The following NRP2 variants were observed in gnomAD, a reference collection of about 807,000 sequenced individuals.
NRP2 encodes neuropilin-2.
In NRP2, 52 loss-of-function variants were observed where a neutral mutation model predicts 110.4. The ratio of observed to expected loss-of-function variants is 0.47; its 90% CI spans 0.38 to 0.59. The LOEUF (loss-of-function observed/expected upper bound fraction) is 0.59, where lower values mean the gene tolerates loss of function less well. NRP2 is among the 20% of genes least tolerant of loss of function. NRP2 has a pLI of 0.00. For missense variants in NRP2, 1,049 were observed against 1,203.0 expected, an observed-to-expected ratio of 0.87 and a Z score of 1.89; for synonymous variants, 508 against 468.9, an observed-to-expected ratio of 1.08 and a Z score of -1.08.
At chr2:205,734,215 G>GCACACACACA (rs141532341) in intron 7 of NRP2, among the ~76,000 whole-genome samples, 24 of 149,218 alleles carry the variant, frequency 1.6e-4, no homozygotes, top group African/African-American at 4.7e-4. Context: ...GTATACACGT[G>GCACACACACA]CACACACACA....
At chr2:205,716,397 G>C (rs746644568) in intron 3 of NRP2, 23 bp downstream of exon 3, 1 of 1,612,554 alleles carries the variant, frequency 6.2e-7, no homozygotes, top group South Asian at 1.1e-5. Context: ...ACACGTAGGG[G>C]CCGGGAGATG....
intron 10 of NRP2, among the ~76,000 whole-genome samples, chr2:205,747,591 C>T (rs1184615313): frequency 6.6e-6 from 1 of 152,168 alleles, no homozygotes; most frequent in African/African-American, 2.4e-5. Flanking sequence ...ACCTATTCGA[C>T]GGATTCCACA....
chr2:205,714,860 G>C (rs2056863483), intron 2 of NRP2, among the ~76,000 whole-genome samples: 1 of 152,122 alleles, frequency 6.6e-6, no homozygotes, highest in Non-Finnish European at 1.5e-5. Context: ...GGGGGCTGAA[G>C]TGAGGCCTCA....
At chr2:205,776,233 G>T in intron 15 of NRP2, 1 of 1,610,796 alleles carries the variant, frequency 6.2e-7, no homozygotes, top group Non-Finnish European at 8.5e-7. Context: ...ACTCTTCTGT[G>T]TCTCTCCACC....
At chr2:205,713,833 C>T (rs887222257) in intron 2 of NRP2, among the ~76,000 whole-genome samples, 5 of 152,128 alleles carry the variant, frequency 3.3e-5, no homozygotes, top group Admixed American at 3.3e-4. Context: ...CACAAAGATG[C>T]ATATGCATCT....
intron 1 of NRP2, among the ~76,000 whole-genome samples, chr2:205,684,033 A>G (rs1238507180): frequency 6.6e-6 from 1 of 152,196 alleles, no homozygotes; most frequent in Non-Finnish European, 1.5e-5. Flanking sequence ...TTTAGAAATT[A>G]TTATTAGCTA....
At chr2:205,751,261 T>A (rs1364657188) in intron 11 of NRP2, among the ~76,000 whole-genome samples, 3 of 152,148 alleles carry the variant, frequency 2.0e-5, no homozygotes, top group African/African-American at 4.8e-5. Flanking sequence ...TTCAGAAGTT[T>A]ATTTTTAATA....
intron 6 of NRP2, among the ~76,000 whole-genome samples, chr2:205,726,987 C>A (rs2057140335): frequency 6.6e-6 from 1 of 152,250 alleles, no homozygotes; most frequent in Admixed American, 6.5e-5. Flanking sequence ...CATCTCCTCG[C>A]AGCCTGCAAA....
intron 7 of NRP2, among the ~76,000 whole-genome samples, chr2:205,736,168 C>T (rs1306726390): frequency 6.6e-6 from 1 of 151,952 alleles, no homozygotes; most frequent in Non-Finnish European, 1.5e-5. Flanking sequence ...GTGGTGAAAC[C>T]CTGTCTCTAC....
At chr2:205,701,156 G>A (rs1238189882) in intron 2 of NRP2, 1 of 159,570 alleles carries the variant, frequency 6.3e-6, no homozygotes, top group Non-Finnish European at 1.4e-5. Flanking sequence ...CCACCTGCAT[G>A]TAATACACAG....
At position 205,697,312 on chromosome 2, in the gene NRP2, C is replaced by CTGTGTGTGTGTGTGTGTGTGTGTGTG. The variant is rs3072627; in HGVS notation, c.74-224_74-199dup. Among the ~76,000 whole-genome samples, 991 of 137,922 alleles carry CTGTGTGTGTGTGTGTGTGTGTGTGTG rather than the reference C, an allele frequency of 7.2e-3. 23 individuals carry two copies. Among genetic ancestry groups the CTGTGTGTGTGTGTGTGTGTGTGTGTG allele is most frequent in the African/African-American group, 0.026 (909 of 34,704 alleles). The allele number at this position is 137,922 out of a possible 152,430, so 90.5% of individuals were successfully genotyped here. ...TGGCCATGTTCTGGAATACTTTCATCTGTGTGTGTGTGTGTGTGTGTGTGT... is the reference window on the plus strand; with the variant it reads ...TGGCCATGTTCTGGAATACTTTCATCTGTGTGTGTGTGTGTGTGTGTGTGTGTGTGTGTGTGTGTGTGTGTGTGTGT... On this transcript the variant is annotated intron_variant, in intron 1 of 16. Coordinates refer to ENST00000357785, the MANE Select transcript of NRP2 (RefSeq NM_003872.3).
chr2:205,727,912 A>G lies in NRP2; in HGVS notation c.1012A>G (p.Met338Val). The change falls in exon 7 of 17, where the codon ATG (methionine) becomes GTG (valine). Residue 338 changes from methionine (M) to valine (V), a missense_variant. Transcript: ENST00000357785. ...CCAGGTGGACCTGCGCTTTTTAACC[A>G]TGCTCACGGCCATCGCAACACAGGG... Reference protein sequence around the residue: ...YLQVDLRFLTMLTAIATQGAI... With the variant: ...YLQVDLRFLTVLTAIATQGAI... 6.2e-7 allele frequency: 1 copy of G among 1,613,876 alleles called. No homozygotes were observed. The highest frequency in any genetic ancestry group is 2.2e-5 in the East Asian group (1 of 44,858).
rs563566407 is a variant in NRP2 at position 205,706,139 on chromosome 2, G to A, written c.251+8418G>A. ...TCACCACCACCTTCACTCTCCATCT[G>A]GAGTCCAAAGATGTGAGGGCCAGTA... On this transcript the variant is annotated intron_variant, in intron 2 of 16. Coordinates refer to ENST00000357785, the MANE Select transcript of NRP2 (RefSeq NM_003872.3). 8.6e-5 allele frequency among the ~76,000 whole-genome samples: 13 copies of A among 152,004 alleles called. No individual in the cohort carries two copies. The East Asian group carries it at 2.3e-3, about 27-fold the overall frequency.
intron 7 of NRP2, among the ~76,000 whole-genome samples, chr2:205,735,243 C>G (rs1486641588): frequency 6.6e-6 from 1 of 151,948 alleles, no homozygotes; most frequent in African/African-American, 2.4e-5. Flanking sequence ...AGAAAAATTC[C>G]TCTGCCTAGA....
At chr2:205,764,710 A>C (rs1049536959) in intron 13 of NRP2, among the ~76,000 whole-genome samples, 49 of 152,266 alleles carry the variant, frequency 3.2e-4, no homozygotes, top group African/African-American at 1.1e-3. Context: ...ACTGAAGACC[A>C]CAGAGCCGAG....
intron 12 of NRP2, among the ~76,000 whole-genome samples, chr2:205,762,850 A>G (rs1344501183): frequency 6.6e-6 from 1 of 152,206 alleles, no homozygotes; most frequent in African/African-American, 2.4e-5. Flanking sequence ...TGTCTGATGA[A>G]TTTGAAACTA....
intron 15 of NRP2, among the ~76,000 whole-genome samples, chr2:205,770,597 C>G (rs1457487081): frequency 6.6e-6 from 1 of 152,196 alleles, no homozygotes; most frequent in African/African-American, 2.4e-5. Flanking sequence ...TCCCTTTCTC[C>G]CTGGACTCCC....
intron 12 of NRP2, among the ~76,000 whole-genome samples, chr2:205,754,310 C>G (rs1325603258): frequency 6.6e-6 from 1 of 152,234 alleles, no homozygotes; most frequent in East Asian, 1.9e-4. Context: ...CGTGTCCCTT[C>G]TTCCCGGTGG....
At chr2:205,683,978 C>G (rs2105850030) in intron 1 of NRP2, among the ~76,000 whole-genome samples, 1 of 152,306 alleles carries the variant, frequency 6.6e-6, no homozygotes, top group South Asian at 2.1e-4. Flanking sequence ...TTGGTCTCTT[C>G]TCTCTTCATC....
Sources: gnomAD v4.1 joint callset for allele counts (sites outside exome capture counted in the v4.1 genomes callset) on GRCh38, gnomAD v4.1.1 for gene constraint, MANE v1.5 for transcripts, NCBI Gene and HGNC (gene_info 2026-07-23, HGNC 2026-07-21) for gene names.